The following CACNG4 variants were observed in gnomAD, a reference collection of about 807,000 sequenced individuals.
CACNG4 encodes the protein voltage-dependent calcium channel gamma-4 subunit.
CACNG4 carries 8 observed loss-of-function variants against 22.9 expected under a neutral mutation model. The observed-to-expected ratio is 0.35, with a 90% CI of 0.21 to 0.63. The LOEUF is 0.63. Ranked by LOEUF, CACNG4 falls within the 30% of genes least tolerant of loss-of-function variation. The pLI, the probability that CACNG4 is intolerant of heterozygous loss-of-function variation, is 0.72. For missense variants in CACNG4, 357 were observed against 455.4 expected (o/e 0.78, Z 1.97); for synonymous variants, 188 against 191.9 (o/e 0.98, Z 0.17).
At chr17:67,008,306 T>G (rs2035448983) in intron 1 of CACNG4, among the ~76,000 whole-genome samples, 1 of 152,136 alleles carries the variant, frequency 6.6e-6, no homozygotes, top group Non-Finnish European at 1.5e-5. Context: ...CCCAACAGCC[T>G]GGCTTGCTGA....
chr17:67,009,106 G>A (rs776299268), intron 1 of CACNG4, among the ~76,000 whole-genome samples: 12 of 152,142 alleles, frequency 7.9e-5, no homozygotes, highest in African/African-American at 2.7e-4. Context: ...GCCAAGGAAC[G>A]CCAGAGATCA....
chr17:66,985,442 T>G (rs1264756404), intron 1 of CACNG4, among the ~76,000 whole-genome samples: 5 of 151,466 alleles, frequency 3.3e-5, no homozygotes, highest in Non-Finnish European at 7.4e-5. Flanking sequence ...AAGAAAGGAG[T>G]GTCAGGGTGA....
chr17:66,979,406 A>G (rs112731715), intron 1 of CACNG4, among the ~76,000 whole-genome samples: 35 of 152,338 alleles, frequency 2.3e-4, no homozygotes, highest in Non-Finnish European at 4.7e-4. Flanking sequence ...GTTATTAAAC[A>G]TGAAGAGAAT....
chr17:66,982,263 G>A (rs369098767), intron 1 of CACNG4, among the ~76,000 whole-genome samples: 4 of 149,834 alleles, frequency 2.7e-5, no homozygotes, highest in African/African-American at 7.6e-5. Flanking sequence ...TGATTGGTCC[G>A]TTTTACAGCA....
At chr17:67,021,070 A>T (rs535281107) in intron 2 of CACNG4, among the ~76,000 whole-genome samples, 1 of 152,324 alleles carries the variant, frequency 6.6e-6, no homozygotes, top group South Asian at 2.1e-4. Flanking sequence ...AAGTGATGGC[A>T]CATGCCTCCA....
intron 1 of CACNG4, among the ~76,000 whole-genome samples, chr17:66,972,010 G>A (rs2035207692): frequency 6.6e-6 from 1 of 152,154 alleles, no homozygotes; most frequent in Admixed American, 6.5e-5. Flanking sequence ...GGAGACCTGG[G>A]GCTACGTGGC....
intron 1 of CACNG4, among the ~76,000 whole-genome samples, chr17:66,985,943 GAAA>G (rs144835669): frequency 4.7e-5 from 7 of 147,746 alleles, no homozygotes; most frequent in Admixed American, 1.3e-4. Flanking sequence ...TTTAAAAAAG[GAAA>G]AAAAAAAGAA....
At position 66,964,746 on chromosome 17, in the gene CACNG4, C is replaced by G. The variant is rs1026899907; in HGVS notation, c.-166C>G. ...CTCGGAGTTTGAGCCCCAGCGCTGC[C>G]GGAGCGCAGGCACGCCCGGGGCGCG... On this transcript the variant is annotated 5_prime_UTR_variant, in exon 1 of 4. Coordinates refer to ENST00000262138, the MANE Select transcript of CACNG4 (RefSeq NM_014405.4). Among the ~76,000 whole-genome samples the G allele has an allele frequency of 1.4e-5, 2 of 144,856 alleles. No homozygotes were observed. Among genetic ancestry groups the G allele is most frequent in the East Asian group, 2.1e-4 (1 of 4,782 alleles).
rs74798169 is a variant in CACNG4, at chr17:66,993,812, C to T, written c.221-24377C>T. On this transcript the variant is annotated intron_variant, in intron 1 of 3. Transcript: ENST00000262138. ...GTAAAGACGGCGTTTCACCAGACGG[C>T]GTTTCATCATATTGGCCAGGCTGGT... is the stretch of plus-strand genomic sequence containing the variant. 4.9e-3 allele frequency among the ~76,000 whole-genome samples: 743 copies of T among 152,186 alleles called. 5 individuals are homozygous for T. The highest frequency in any genetic ancestry group is 0.017 in the African/African-American group (707 of 41,518).
At chr17:67,014,885 C>T (rs1036123216) in intron 1 of CACNG4, among the ~76,000 whole-genome samples, 3 of 149,482 alleles carry the variant, frequency 2.0e-5, no homozygotes, top group African/African-American at 2.5e-5. Flanking sequence ...TGCAGTGAGC[C>T]GAGATCGCAC....
Position 67,003,085 on chromosome 17 carries a change from G to A in CACNG4, c.221-15104G>A, listed in dbSNP as rs376221452. On this transcript the variant is annotated intron_variant, in intron 1 of 3. Transcript: ENST00000262138. ...CTGGCCTGCTCACTTCTGACAATAA[G>A]ACCAGCTGACTCTTTGTTATTAGAA... Among the ~76,000 whole-genome samples the A allele has an allele frequency of 5.7e-4, 86 of 152,182 alleles. 1 individual carries two copies. The South Asian group carries it at 0.016, about 29-fold the overall frequency.
intron 1 of CACNG4, among the ~76,000 whole-genome samples, chr17:66,975,523 A>G (rs2035230938): frequency 6.6e-6 from 1 of 152,236 alleles, no homozygotes; most frequent in Non-Finnish European, 1.5e-5. Context: ...TTGTGAAGTT[A>G]TATGAGAAAA....
At chr17:67,016,612 C>A (rs2035499727) in intron 1 of CACNG4, among the ~76,000 whole-genome samples, 1 of 152,186 alleles carries the variant, frequency 6.6e-6, no homozygotes, top group Non-Finnish European at 1.5e-5. Flanking sequence ...ACAGGGGGCG[C>A]TTGCAGCCGC....
Position 66,965,056 on chromosome 17 carries a change from G to C in CACNG4, c.145G>C (p.Asp49His). 6.3e-7 allele frequency: 1 copy of C among 1,598,556 alleles called. No homozygotes were observed. ...CTGCAACGGCACCAACCTGACCATG[G>C]ACGACGGGCCCCCGCCCCGCCGCGC... The part of the protein sequence containing the change: ...HICNGTNLTM[D>H]DGPPPRRARG... Residue 49 changes from aspartate (D) to histidine (H), a missense_variant, in exon 1 of 4, where the codon GAC becomes CAC. This residue lies in a region of CACNG4 where 114 missense variants were observed against 161.6 expected (regional missense o/e 0.71). Coordinates refer to ENST00000262138, the MANE Select transcript of CACNG4 (RefSeq NM_014405.4).
intron 1 of CACNG4, among the ~76,000 whole-genome samples, chr17:66,967,280 G>A (rs1440339876): frequency 2.6e-5 from 4 of 152,140 alleles, no homozygotes; most frequent in Non-Finnish European, 5.9e-5. Context: ...GGACCTCACC[G>A]AAAGAACTGG....
intron 1 of CACNG4, among the ~76,000 whole-genome samples, chr17:67,017,394 G>C (rs1392077486): frequency 6.6e-6 from 1 of 152,062 alleles, no homozygotes; most frequent in Non-Finnish European, 1.5e-5. Context: ...TGGTTTAAGA[G>C]AGGGAAAGAC....
At chr17:67,009,535 G>A (rs767787755) in intron 1 of CACNG4, among the ~76,000 whole-genome samples, 12 of 151,256 alleles carry the variant, frequency 7.9e-5, no homozygotes, top group East Asian at 1.9e-4. Flanking sequence ...CTGAAGTCAC[G>A]CCCTCCCTTA....
In CACNG4 at chr17:66,964,961, C is replaced by A; in HGVS notation, c.50C>A (p.Ala17Asp). ...GLQMLLTTAG[A>D]FAAFSLMAIA... ...CAGATGCTGCTGACCACGGCCGGAG[C>A]CTTCGCCGCCTTCTCGCTCATGGCC... The change falls in exon 1 of 4, where the codon GCC (alanine) becomes GAC (aspartate). Residue 17 changes from alanine to aspartate, a missense_variant. By Grantham distance (126) the Ala-to-Asp change is moderately radical. Transcript: ENST00000262138. 2 of 1,608,640 alleles carry A rather than the reference C, an allele frequency of 1.2e-6. No homozygotes were observed. Among genetic ancestry groups the A allele is most frequent in the Non-Finnish European group, 1.7e-6 (2 of 1,178,532 alleles).
intron 3 of CACNG4, among the ~76,000 whole-genome samples, chr17:67,028,911 T>C (rs1032658721): frequency 6.6e-6 from 1 of 152,262 alleles, no homozygotes; most frequent in Admixed American, 6.5e-5. Flanking sequence ...ATAATATTCA[T>C]GATAGGCTGT....
Sources: allele counts gnomAD v4.1 joint callset (sites outside exome capture counted in the v4.1 genomes callset), GRCh38; gene constraint gnomAD v4.1.1; regional missense constraint gnomAD v4.1.1; transcripts MANE v1.5; gene names NCBI Gene and HGNC (gene_info 2026-07-23, HGNC 2026-07-21).